PDZD2: variants seen among roughly 807,000 people sequenced by gnomAD.
PDZD2 encodes PDZ domain containing 2.
Under a neutral mutation model 220.7 loss-of-function variants are expected in PDZD2, and 90 were observed. The observed-to-expected ratio is 0.41, with a 90% confidence interval of 0.34 to 0.49. The LOEUF (loss-of-function observed/expected upper bound fraction) is 0.49, where lower values mean the gene tolerates loss of function less well. Among genes scored for constraint, PDZD2 ranks in the 20% least tolerant of loss-of-function variants. The pLI is 0.28. For missense variants in PDZD2, 3,174 were observed against 3,608.5 expected (o/e 0.88, Z 3.08); for synonymous variants, 1,375 against 1,450.5 (o/e 0.95, Z 1.18).
chr5:31,872,376 C>G (rs947605725), intron 2 of PDZD2, among the ~76,000 whole-genome samples: 1 of 152,140 alleles, frequency 6.6e-6, no homozygotes, highest in African/African-American at 2.4e-5. Context: ...TCATCTGCCT[C>G]CATGGGAGTG....
intron 2 of PDZD2, among the ~76,000 whole-genome samples, chr5:31,810,074 A>G (rs1307844428): frequency 2.0e-5 from 3 of 152,214 alleles, no homozygotes; most frequent in Admixed American, 2.0e-4. Context: ...AAAGCATCTT[A>G]GTGTGGTTAT....
intron 22 of PDZD2, 40 bp downstream of exon 22, chr5:32,097,420 C>T (rs377307292): frequency 8.4e-7 from 1 of 1,186,470 alleles, no homozygotes; most frequent in South Asian, 1.2e-5. Flanking sequence ...AAAATCCCCC[C>T]TCAAGCAGCC....
chr5:31,643,532 A>G (rs1745025029), intron 1 of PDZD2, among the ~76,000 whole-genome samples: 1 of 152,178 alleles, frequency 6.6e-6, no homozygotes, highest in African/African-American at 2.4e-5. Flanking sequence ...AAGGCCCAGA[A>G]AAACAGAGAA....
At chr5:31,954,070 C>T (rs939076367) in intron 2 of PDZD2, among the ~76,000 whole-genome samples, 1 of 151,892 alleles carries the variant, frequency 6.6e-6, no homozygotes, top group African/African-American at 2.4e-5. Context: ...GTGATATGAT[C>T]GTGCCACTGC....
rs57135705 is a variant in PDZD2, at chr5:32,054,312, C to CTTTTTTTTTT, written c.1900+446_1900+455dup. Among the ~76,000 whole-genome samples the CTTTTTTTTTT allele has an allele frequency of 4.6e-4, 32 of 69,330 alleles. 7 individuals carry two copies. The highest frequency in any genetic ancestry group is 1.2e-3 in the African/African-American group (23 of 18,486). The allele number at this position is 69,330 out of a possible 152,430, so 45.5% of individuals were successfully genotyped here. ...CATAGTCTGGTTCCTAAATGAACAT[C>CTTTTTTTTTT]TTTTTTTTTTTTTTTTTTTTTTTTT... On this transcript the variant is annotated intron_variant, in intron 10 of 24. Coordinates refer to ENST00000438447, the MANE Select transcript of PDZD2 (RefSeq NM_178140.4).
chr5:31,929,882 G>C (rs996335283), intron 2 of PDZD2, among the ~76,000 whole-genome samples: 2 of 152,188 alleles, frequency 1.3e-5, no homozygotes, highest in Non-Finnish European at 1.5e-5. Context: ...GCTGGGGCCT[G>C]GTAGGAGGTG....
rs149733022 is a variant in PDZD2, at chr5:31,706,154, A to G, written c.-361+66717A>G. 1.5e-3 allele frequency among the ~76,000 whole-genome samples: 229 copies of G among 152,306 alleles called. 2 individuals carry two copies. Among genetic ancestry groups the G allele is most frequent in the African/African-American group, 5.3e-3 (220 of 41,572 alleles). ...CACAACTGGATTAACGGCTGAATGT[A>G]GTAGGTATTCAATAAATATTTGTTG... is the stretch of plus-strand genomic sequence containing the variant. On this transcript the variant is annotated intron_variant, in intron 1 of 24. Transcript: ENST00000438447.
chr5:31,645,265 C>CCCAG (rs893471643), intron 1 of PDZD2, among the ~76,000 whole-genome samples: 1 of 151,952 alleles, frequency 6.6e-6, no homozygotes, highest in African/African-American at 2.4e-5. Flanking sequence ...ACAGTGATGC[C>CCCAG]CCAGACTGGT....
intron 2 of PDZD2, among the ~76,000 whole-genome samples, chr5:31,894,785 C>A (rs1741386769): frequency 6.6e-6 from 1 of 152,184 alleles, no homozygotes; most frequent in Non-Finnish European, 1.5e-5. Context: ...GAGGGAAATG[C>A]CCCAGAAGGG....
At chr5:31,835,845 A>C (rs1756915062) in intron 2 of PDZD2, among the ~76,000 whole-genome samples, 1 of 152,064 alleles carries the variant, frequency 6.6e-6, no homozygotes, top group African/African-American at 2.4e-5. Flanking sequence ...AAACTCAACA[A>C]ATGTTTGTTG....
At chr5:31,815,932 C>T (rs10070504) in intron 2 of PDZD2, among the ~76,000 whole-genome samples, 29,868 of 151,926 alleles carry the variant, frequency 0.2, 3,477 homozygotes, top group African/African-American at 0.32. Context: ...AAATATCTTA[C>T]TACATAGAGG....
At chr5:32,052,768 GA>G in intron 9 of PDZD2, 38 bp downstream of exon 9, 1 of 1,601,574 alleles carries the variant, frequency 6.2e-7, no homozygotes, top group Non-Finnish European at 8.5e-7. Context: ...CCTTCTGGGT[GA>G]ATCTTAGCAC....
intron 2 of PDZD2, among the ~76,000 whole-genome samples, chr5:31,903,081 G>A (rs931041910): frequency 6.6e-6 from 1 of 151,700 alleles, no homozygotes; most frequent in Non-Finnish European, 1.5e-5. Context: ...GATCACCTGA[G>A]GTCAGGAGTT....
At chr5:32,076,288 G>GAA (rs67898034) in intron 18 of PDZD2, among the ~76,000 whole-genome samples, 15 of 87,904 alleles carry the variant, frequency 1.7e-4, no homozygotes, top group Middle Eastern at 6.7e-3. Flanking sequence ...TCGGTCTCAA[G>GAA]AAAAAAAAAA....
At chr5:31,872,901 C>A (rs1413413643) in intron 2 of PDZD2, among the ~76,000 whole-genome samples, 1 of 152,088 alleles carries the variant, frequency 6.6e-6, no homozygotes, top group Non-Finnish European at 1.5e-5. Context: ...CTGCTAATGG[C>A]ACTTGATATT....
chr5:31,865,656 T>C (rs1274448485), intron 2 of PDZD2, among the ~76,000 whole-genome samples: 2 of 122,744 alleles, frequency 1.6e-5, no homozygotes, highest in African/African-American at 6.9e-5. Flanking sequence ...TTTTTTGAGA[T>C]GGAGTCTTGC....
intron 1 of PDZD2, among the ~76,000 whole-genome samples, chr5:31,794,298 T>G (rs1753883807): frequency 1.3e-5 from 2 of 152,142 alleles, no homozygotes; most frequent in African/African-American, 4.8e-5. Context: ...TCTGGGACAT[T>G]GTTTTGTTCA....
At chr5:32,017,409 C>T (rs1032450843) in intron 6 of PDZD2, among the ~76,000 whole-genome samples, 3 of 150,494 alleles carry the variant, frequency 2.0e-5, no homozygotes, top group African/African-American at 7.4e-5. Flanking sequence ...CACTGCACTC[C>T]AGCCTGAGTG....
At chr5:31,884,829 G>T (rs1359572383) in intron 2 of PDZD2, among the ~76,000 whole-genome samples, 3 of 152,014 alleles carry the variant, frequency 2.0e-5, no homozygotes, top group Non-Finnish European at 2.9e-5. Flanking sequence ...TTTTAGTAGA[G>T]ATAGAGTTTT....
Sources: allele counts gnomAD v4.1 joint callset (sites outside exome capture counted in the v4.1 genomes callset), GRCh38; gene constraint gnomAD v4.1.1; transcripts MANE v1.5; gene names NCBI Gene and HGNC (gene_info 2026-07-23, HGNC 2026-07-21).